The following FBXO15 variants were observed in gnomAD, a reference collection of about 807,000 sequenced individuals.
The protein encoded by FBXO15 is F-box only protein 15.
A neutral mutation model predicts 49.5 loss-of-function variants in FBXO15; 30 were observed. The observed-to-expected ratio is 0.61, with a 90% CI of 0.45 to 0.82. The LOEUF is 0.82. FBXO15 is among the 40% of genes least tolerant of loss of function. The probability of loss-of-function intolerance (pLI) is 0.00; values close to 1 mark genes in which losing one functional copy is unlikely to be tolerated. For synonymous variants in FBXO15, 250 were observed against 232.7 expected (o/e 1.07, Z -0.68); for missense variants, 591 against 631.5 (o/e 0.94, Z 0.69).
chr18:74,107,876 A>T (rs1284562220), intron 8 of FBXO15, among the ~76,000 whole-genome samples: 2 of 152,194 alleles, frequency 1.3e-5, no homozygotes, highest in Admixed American at 6.5e-5. Flanking sequence ...ATAACCTACT[A>T]GGGGAATTAT....
intron 8 of FBXO15, among the ~76,000 whole-genome samples, chr18:74,089,398 A>C (rs1395871800): frequency 6.6e-6 from 1 of 152,036 alleles, no homozygotes; most frequent in Non-Finnish European, 1.5e-5. Context: ...GGATAATTTG[A>C]CTTCCTATTT....
Position 74,129,551 on chromosome 18 carries a change from C to T in FBXO15, c.639G>A (p.Glu213=). Reference sequence around the variant, plus strand: ...TGTCATTTATGGAAAGATCAACATGCTCCATGATATATTCTTTTCCACCTT... The same window carrying T: ...TGTCATTTATGGAAAGATCAACATGTTCCATGATATATTCTTTTCCACCTT... ...KEKGGKEYIM[E]HVDLSINDTS... Residue 213 remains glutamate (E), a synonymous_variant, in exon 5 of 10, where the codon GAG becomes GAA. Coordinates refer to ENST00000419743, the MANE Select transcript of FBXO15 (RefSeq NM_001142958.2). 6.2e-7 allele frequency: 1 copy of T among 1,613,304 alleles called. No homozygotes were observed. Among genetic ancestry groups the T allele is most frequent in the East Asian group, 2.2e-5 (1 of 44,828 alleles).
intron 1 of FBXO15, among the ~76,000 whole-genome samples, chr18:74,141,735 G>A (rs1305828974): frequency 6.6e-6 from 1 of 152,178 alleles, no homozygotes; most frequent in Non-Finnish European, 1.5e-5. Flanking sequence ...CACAAGTGGT[G>A]AAAAAGGAGC....
rs1193549538 is a variant in FBXO15, at chr18:74,074,538, C to T, written c.1264-808G>A. Among the ~76,000 whole-genome samples, 1 of 152,210 alleles carries T rather than the reference C, an allele frequency of 6.6e-6. No individual in the cohort carries two copies. Among genetic ancestry groups the T allele is most frequent in the African/African-American group, 2.4e-5 (1 of 41,456 alleles). Reference sequence around the variant, plus strand: ...ACTTTCACTATCCATGCCTCAGGCACCCTGTCTTCTAACTGCCACCCTTCG... The same window carrying T: ...ACTTTCACTATCCATGCCTCAGGCATCCTGTCTTCTAACTGCCACCCTTCG... On this transcript the variant is annotated intron_variant, in intron 9 of 9. Transcript: ENST00000419743. The surrounding 1 kb of genome is among the most constrained non-coding windows in gnomAD (Gnocchi z 4.7).
At chr18:74,131,136 A>G (rs1273945407) in intron 3 of FBXO15, among the ~76,000 whole-genome samples, 1 of 152,230 alleles carries the variant, frequency 6.6e-6, no homozygotes, top group Non-Finnish European at 1.5e-5. Context: ...AACTTTCAAC[A>G]AGGAATACGC....
rs967493082 is a variant in FBXO15, at chr18:74,075,703, T to C, written c.1264-1973A>G. Among the ~76,000 whole-genome samples the C allele has an allele frequency of 6.6e-6, 1 of 152,120 alleles. No homozygotes were observed. The highest frequency in any genetic ancestry group is 2.1e-4 in the South Asian group (1 of 4,822). On this transcript the variant is annotated intron_variant, in intron 9 of 9. Coordinates refer to ENST00000419743, the MANE Select transcript of FBXO15 (RefSeq NM_001142958.2). The surrounding 1 kb of genome is among the most constrained non-coding windows in gnomAD (Gnocchi z 4.1). ...CATCTGTCAGTCTGCTTCTCAGCAG[T>C]GTTTAGTTTTTCAAGAGAACAGTGA...
At chr18:74,137,760 G>A (rs1293566683) in intron 2 of FBXO15, among the ~76,000 whole-genome samples, 1 of 152,152 alleles carries the variant, frequency 6.6e-6, no homozygotes, top group Non-Finnish European at 1.5e-5. Context: ...GGGGAGGTGA[G>A]AGGCAGGACC....
At chr18:74,147,613 G>C (rs936746013) in intron 1 of FBXO15, 57 bp downstream of exon 1, 1 of 1,370,142 alleles carries the variant, frequency 7.3e-7, no homozygotes. Context: ...AAGAGAGCGG[G>C]GCCGCGCAGT....
At chr18:74,101,430 G>T (rs1480615644) in intron 8 of FBXO15, among the ~76,000 whole-genome samples, 4 of 151,908 alleles carry the variant, frequency 2.6e-5, no homozygotes, top group African/African-American at 9.7e-5. Context: ...AGCCTACAAG[G>T]AAAACTACAA....
intron 8 of FBXO15, among the ~76,000 whole-genome samples, chr18:74,117,771 A>G (rs1914294526): frequency 6.6e-6 from 1 of 152,196 alleles, no homozygotes; most frequent in Non-Finnish European, 1.5e-5. Flanking sequence ...CCCTATTATT[A>G]TCGTATTCAT....
rs560347642 is a variant in FBXO15 at position 74,129,620 on chromosome 18, G to C, written c.576-6C>G. On this transcript the variant is annotated splice_polypyrimidine_tract_variant and splice_region_variant and intron_variant, in intron 4 of 9. Transcript: ENST00000419743. ...CCCAACCTAAACCAAATATTCTGGA[G>C]AAAGAAAAAAAAACTAACAATGTTT... 2.0e-6 allele frequency: 3 copies of C among 1,515,614 alleles called. No homozygotes were observed. The African/African-American group carries it at 4.4e-5, about 22-fold the overall frequency. 93.9% of individuals were successfully genotyped at this position (1,515,614 alleles called of 1,614,324 possible).
At chr18:74,089,602 T>C (rs1912925996) in intron 8 of FBXO15, among the ~76,000 whole-genome samples, 1 of 152,210 alleles carries the variant, frequency 6.6e-6, no homozygotes, top group Non-Finnish European at 1.5e-5. Flanking sequence ...CTTCAATGCC[T>C]AGTTTCTTGA....
At position 74,074,468 on chromosome 18, in the gene FBXO15, C is replaced by T. The variant is rs1473919310; in HGVS notation, c.1264-738G>A. On this transcript the variant is annotated intron_variant, in intron 9 of 9. Coordinates refer to ENST00000419743, the MANE Select transcript of FBXO15 (RefSeq NM_001142958.2). This position sits in a 1 kb window ranked among gnomAD's most constrained non-coding sequence, Gnocchi z 4.7. Reference sequence around the variant, plus strand: ...TCCTCGACTTGACCTCAGTTATTCACTCCCACAGTCACATGGCCGACACAG... The same window carrying T: ...TCCTCGACTTGACCTCAGTTATTCATTCCCACAGTCACATGGCCGACACAG... Among the ~76,000 whole-genome samples, 2 of 152,202 alleles carry T rather than the reference C, an allele frequency of 1.3e-5. No individual in the cohort carries two copies. The highest frequency in any genetic ancestry group is 2.9e-5 in the Non-Finnish European group (2 of 68,044).
intron 2 of FBXO15, among the ~76,000 whole-genome samples, chr18:74,138,818 G>C (rs1599190948): frequency 6.6e-6 from 1 of 152,104 alleles, no homozygotes; most frequent in African/African-American, 2.4e-5. Flanking sequence ...CTACTTGCCT[G>C]TTTCCCCCTC....
At chr18:74,093,346 G>A (rs530778170) in intron 8 of FBXO15, among the ~76,000 whole-genome samples, 39 of 152,214 alleles carry the variant, frequency 2.6e-4, no homozygotes, top group Admixed American at 7.2e-4. Context: ...CATGTGGCTG[G>A]TGCGTGTCAG....
intron 8 of FBXO15, 154 bp downstream of exon 8, chr18:74,123,214 A>T: frequency 1.3e-6 from 1 of 778,482 alleles, no homozygotes; most frequent in Non-Finnish European, 2.0e-6. Context: ...GAGGACTTTC[A>T]CAAGCCCTGG....
chr18:74,086,012 A>C (rs574813495), intron 8 of FBXO15, among the ~76,000 whole-genome samples: 9 of 152,338 alleles, frequency 5.9e-5, no homozygotes, highest in Admixed American at 4.6e-4. Flanking sequence ...ACATGTACTA[A>C]CAAGTACTAA....
chr18:74,127,432 C>A (rs1978292687), intron 5 of FBXO15, among the ~76,000 whole-genome samples: 1 of 152,138 alleles, frequency 6.6e-6, no homozygotes. Flanking sequence ...TGGAGTCTGA[C>A]TAGAAAGGTA....
chr18:74,123,107 C>T, intron 8 of FBXO15: 1 of 354,220 alleles, frequency 2.8e-6, no homozygotes, highest in East Asian at 4.9e-5. Context: ...AAGGAAGCAT[C>T]AGTAGAGAAG....
Sources: allele counts gnomAD v4.1 joint callset (sites outside exome capture counted in the v4.1 genomes callset), GRCh38; gene constraint gnomAD v4.1.1; non-coding constraint Gnocchi (gnomAD v3.1); transcripts MANE v1.5; gene names NCBI Gene and HGNC (gene_info 2026-07-23, HGNC 2026-07-21).